The following MTREX variants were observed in gnomAD, a reference collection of about 807,000 sequenced individuals.
MTREX encodes Mtr4 exosome RNA helicase, also known as exosome RNA helicase MTR4.
Under a neutral mutation model 135.4 loss-of-function variants are expected in MTREX, and 76 were observed. The observed-to-expected ratio is 0.56, with a 90% confidence interval of 0.47 to 0.68. The LOEUF (loss-of-function observed/expected upper bound fraction) is 0.68. MTREX is among the 30% of genes least tolerant of loss of function. The probability of loss-of-function intolerance (pLI) is 0.00; values close to 1 mark genes in which losing one functional copy is unlikely to be tolerated. For synonymous variants in MTREX, 404 were observed against 401.6 expected (o/e 1.01, Z -0.07); for missense variants, 920 against 1,262.1 (o/e 0.73, Z 4.11).
At chr5:55,416,208 G>A in intron 25 of MTREX, 76 bp downstream of exon 25, 1 of 864,458 alleles carries the variant, frequency 1.2e-6, no homozygotes. Context: ...AATTAAACAA[G>A]TATAATATGT....
At position 55,405,471 on chromosome 5, in the gene MTREX, G is replaced by A; in HGVS notation, c.2528G>A (p.Arg843Lys). The change falls in exon 22 of 27, where the codon AGA (arginine) becomes AAA (lysine). Residue 843 changes from arginine to lysine, a missense_variant. This residue lies in a region of MTREX where 467 missense variants were observed against 589.7 expected (regional missense o/e 0.79). Transcript: ENST00000230640. ...KSAKRELKKA[R>K]TVLQMDELKC... The stretch of plus-strand genomic sequence containing the variant: ...GCAAAGCGAGAACTGAAGAAAGCAA[G>A]AACAGTCCTACAAATGGATGAACTC... 1 of 1,613,894 alleles carries A rather than the reference G, an allele frequency of 6.2e-7. No homozygotes were observed. The highest frequency in any genetic ancestry group is 8.5e-7 in the Non-Finnish European group (1 of 1,179,848).
chr5:55,351,072 T>G, intron 13 of MTREX, 43 bp downstream of exon 13: 2 of 1,522,674 alleles, frequency 1.3e-6, no homozygotes, highest in Non-Finnish European at 1.8e-6. Context: ...TATCATGTTG[T>G]ATGAAGAGTT....
intron 5 of MTREX, among the ~76,000 whole-genome samples, chr5:55,338,301 C>T (rs1749586234): frequency 6.6e-6 from 1 of 151,934 alleles, no homozygotes; most frequent in Non-Finnish European, 1.5e-5. Context: ...TTTTTTTTCC[C>T]CTTCAACTCC....
intron 5 of MTREX, among the ~76,000 whole-genome samples, chr5:55,330,224 T>A (rs887564784): frequency 1.3e-5 from 2 of 151,898 alleles, no homozygotes; most frequent in African/African-American, 4.8e-5. Flanking sequence ...CACAGGCATG[T>A]GCCACCATGA....
At chr5:55,331,017 T>G (rs1749466408) in intron 5 of MTREX, among the ~76,000 whole-genome samples, 1 of 152,168 alleles carries the variant, frequency 6.6e-6, no homozygotes, top group Non-Finnish European at 1.5e-5. Flanking sequence ...ACACTCAGTT[T>G]CCATCTCTAA....
chr5:55,418,251 AAAAG>A (rs1348886883), intron 25 of MTREX, among the ~76,000 whole-genome samples: 1 of 151,526 alleles, frequency 6.6e-6, no homozygotes, highest in Non-Finnish European at 1.5e-5. Flanking sequence ...AAAAAAGAAA[AAAAG>A]AAAAGTAAAA....
intron 25 of MTREX, among the ~76,000 whole-genome samples, chr5:55,417,090 T>C (rs1750977427): frequency 6.6e-6 from 1 of 152,224 alleles, no homozygotes; most frequent in African/African-American, 2.4e-5. Context: ...TTTTTAATGT[T>C]AAAGTTTATA....
At chr5:55,364,832 A>C (rs1027730510) in intron 15 of MTREX, among the ~76,000 whole-genome samples, 4 of 152,248 alleles carry the variant, frequency 2.6e-5, no homozygotes, top group African/African-American at 9.6e-5. Flanking sequence ...CTGGAATTTA[A>C]ATGAGTAACT....
chr5:55,400,577 C>T (rs577708231), intron 21 of MTREX, among the ~76,000 whole-genome samples, 156 bp downstream of exon 21: 1 of 152,334 alleles, frequency 6.6e-6, no homozygotes, highest in South Asian at 2.1e-4. Flanking sequence ...TGTCAGCTCT[C>T]ATCAGCAAGA....
At chr5:55,396,196 T>C (rs1750643279) in intron 19 of MTREX, among the ~76,000 whole-genome samples, 1 of 151,938 alleles carries the variant, frequency 6.6e-6, no homozygotes, top group African/African-American at 2.4e-5. Flanking sequence ...GCAAGAAAGG[T>C]GGGGTATATT....
chr5:55,361,067 T>A (rs1749998636), intron 15 of MTREX, among the ~76,000 whole-genome samples: 1 of 152,244 alleles, frequency 6.6e-6, no homozygotes, highest in Non-Finnish European at 1.5e-5. Flanking sequence ...AATAGATTTT[T>A]CAACTATTAG....
rs752605231 is a variant in MTREX, at chr5:55,388,119, C to G, written c.2181+17C>G. 3.2e-6 allele frequency: 5 copies of G among 1,581,362 alleles called. No homozygotes were observed. The African/African-American group carries it at 4.0e-5, about 13-fold the overall frequency. ...GAGATGCAGGTTTGTACATAACTTT[C>G]TGTCTTCTGATTTCAGATATTCTGT... On this transcript the variant is annotated intron_variant, in intron 19 of 26. Coordinates refer to ENST00000230640, the MANE Select transcript of MTREX (RefSeq NM_015360.5).
intron 3 of MTREX, 134 bp from the exon 4 acceptor site, chr5:55,327,582 G>T: frequency 3.0e-6 from 2 of 674,192 alleles, no homozygotes; most frequent in Non-Finnish European, 5.1e-6. Context: ...GATTTACAGT[G>T]TCTGAGACAG....
intron 1 of MTREX, among the ~76,000 whole-genome samples, chr5:55,308,548 T>G (rs1749023565): frequency 6.6e-6 from 1 of 152,082 alleles, no homozygotes; most frequent in Admixed American, 6.5e-5. Flanking sequence ...GATAATAACA[T>G]GAGAAGGGAG....
chr5:55,353,029 T>G, intron 13 of MTREX, 139 bp from the exon 14 acceptor site: 1 of 477,618 alleles, frequency 2.1e-6, no homozygotes, highest in Non-Finnish European at 3.6e-6. Flanking sequence ...CGAAATAGGT[T>G]TGAGAACATA....
chr5:55,397,777 A>G (rs556908155), intron 20 of MTREX, among the ~76,000 whole-genome samples: 18 of 152,258 alleles, frequency 1.2e-4, no homozygotes, highest in Non-Finnish European at 2.6e-4. Flanking sequence ...TGCTTTATTC[A>G]TTATGAGTGA....
At chr5:55,402,545 A>G (rs1329589375) in intron 21 of MTREX, among the ~76,000 whole-genome samples, 6 of 152,216 alleles carry the variant, frequency 3.9e-5, no homozygotes, top group African/African-American at 1.4e-4. Context: ...GGACTGGCTA[A>G]ATAAAGTTGT....
chr5:55,424,670 T>C, intron 26 of MTREX, 50 bp from the exon 27 acceptor site: 1 of 1,351,124 alleles, frequency 7.4e-7, no homozygotes, highest in Middle Eastern at 1.8e-4. Flanking sequence ...AGAGGCAAGT[T>C]AGGTGTTTTG....
chr5:55,345,659 T>A (rs1749720314), intron 10 of MTREX, among the ~76,000 whole-genome samples: 1 of 151,592 alleles, frequency 6.6e-6, no homozygotes, highest in African/African-American at 2.4e-5. Context: ...GGTTCGTTAC[T>A]TTTAATTTTT....
Sources: gnomAD v4.1 joint callset for allele counts (sites outside exome capture counted in the v4.1 genomes callset) on GRCh38, gnomAD v4.1.1 for gene constraint, gnomAD v4.1.1 regional missense constraint, MANE v1.5 for transcripts, NCBI Gene and HGNC (gene_info 2026-07-23, HGNC 2026-07-21) for gene names.